Variants in STK24 observed in about 807,000 individuals in gnomAD.
STK24 encodes the protein serine/threonine-protein kinase 24.
STK24 carries 21 observed loss-of-function variants against 55.6 expected under a neutral mutation model. The observed-to-expected ratio is 0.38, with a 90% CI of 0.27 to 0.54. The LOEUF (loss-of-function observed/expected upper bound fraction) is 0.54, where lower values mean the gene tolerates loss of function less well. STK24 is among the 20% of genes least tolerant of loss of function. The pLI is 0.79. For synonymous variants in STK24, 200 were observed against 215.2 expected, an observed-to-expected ratio of 0.93 and a Z score of 0.62; for missense variants, 383 against 538.4, an observed-to-expected ratio of 0.71 and a Z score of 2.86.
At chr13:98,475,716 C>T (rs1164121714) in intron 3 of STK24, among the ~76,000 whole-genome samples, 3 of 152,186 alleles carry the variant, frequency 2.0e-5, no homozygotes, top group South Asian at 2.1e-4. Context: ...ACCCGGCCTG[C>T]GCCTGCAGCT....
intron 1 of STK24, among the ~76,000 whole-genome samples, chr13:98,566,729 C>G (rs975369566): frequency 7.9e-5 from 12 of 152,196 alleles, no homozygotes; most frequent in African/African-American, 2.7e-4. Context: ...CAGCAAGCAA[C>G]AGGGAAGCAG....
intron 1 of STK24, among the ~76,000 whole-genome samples, chr13:98,552,187 C>G (rs1195389791): frequency 6.6e-6 from 1 of 152,116 alleles, no homozygotes; most frequent in African/African-American, 2.4e-5. Flanking sequence ...ATAAATTAAA[C>G]TTTATAATAG....
chr13:98,495,442 T>A (rs1895214539), intron 2 of STK24, among the ~76,000 whole-genome samples: 1 of 152,254 alleles, frequency 6.6e-6, no homozygotes, highest in African/African-American at 2.4e-5. Flanking sequence ...ATTTGCAGAA[T>A]GTGCATATTG....
chr13:98,461,826 G>T lies in STK24; in HGVS notation c.1001C>A (p.Pro334His), dbSNP rs779880742. 3.7e-6 allele frequency: 6 copies of T among 1,614,008 alleles called. No individual in the cohort carries two copies. Among genetic ancestry groups the T allele is most frequent in the Non-Finnish European group, 4.2e-6 (5 of 1,180,000 alleles). ...DWIFTIREKD[P>H]KNLENGALQP... The stretch of plus-strand genomic sequence containing the variant: ...AAGAGCTCCATTCTCGAGATTCTTG[G>T]GATCTTTTTCTCGGATTGTGAAGAT... The change falls in exon 8 of 11, where the codon CCC becomes CAC. Residue 334 changes from proline (P) to histidine (H), a missense_variant. By Grantham distance (77) the Pro-to-His change is moderately conservative (BLOSUM62 -2). Coordinates refer to ENST00000539966, the MANE Select transcript of STK24 (RefSeq NM_001032296.4).
At chr13:98,489,357 A>G (rs1246943797) in intron 2 of STK24, among the ~76,000 whole-genome samples, 1 of 152,216 alleles carries the variant, frequency 6.6e-6, no homozygotes, top group Non-Finnish European at 1.5e-5. Flanking sequence ...GCCCCTGACC[A>G]TCTTCAAAGT....
chr13:98,561,445 T>C (rs1594671347), intron 1 of STK24, among the ~76,000 whole-genome samples: 2 of 151,842 alleles, frequency 1.3e-5, no homozygotes, highest in Admixed American at 1.3e-4. Context: ...TAGCCGGTCG[T>C]GAGGCACACA....
chr13:98,508,390 T>C (rs773841645), intron 2 of STK24, among the ~76,000 whole-genome samples: 20 of 152,054 alleles, frequency 1.3e-4, no homozygotes, highest in Non-Finnish European at 2.5e-4. Flanking sequence ...AGAAACATAG[T>C]AGGAAATTTC....
At chr13:98,496,484 C>G (rs1488170876) in intron 2 of STK24, among the ~76,000 whole-genome samples, 6 of 152,184 alleles carry the variant, frequency 3.9e-5, no homozygotes, top group Non-Finnish European at 5.9e-5. Context: ...GCTGCGCAAC[C>G]AGAAACCAAT....
intron 1 of STK24, among the ~76,000 whole-genome samples, chr13:98,526,608 T>C (rs74813330): frequency 0.028 from 4,221 of 152,308 alleles, 76 homozygotes; most frequent in South Asian, 0.082. Flanking sequence ...AAAGCAAATA[T>C]TCCATTACAT....
chr13:98,502,302 G>GA (rs1895501865), intron 2 of STK24, among the ~76,000 whole-genome samples: 1 of 152,136 alleles, frequency 6.6e-6, no homozygotes, highest in Non-Finnish European at 1.5e-5. Flanking sequence ...GTAAACATAG[G>GA]AATCAATGAG....
At chr13:98,463,588 A>G in intron 7 of STK24, 103 bp downstream of exon 7, 1 of 1,343,596 alleles carries the variant, frequency 7.4e-7, no homozygotes. Context: ...ATTGTCTAAA[A>G]AAAAAAAAAA....
intron 3 of STK24, among the ~76,000 whole-genome samples, chr13:98,478,365 T>A (rs918091912): frequency 3.9e-5 from 6 of 152,316 alleles, no homozygotes; most frequent in Non-Finnish European, 7.3e-5. Flanking sequence ...TTTCCCAGAC[T>A]CTGAGCAGCA....
chr13:98,462,516 A>T (rs1478280328), intron 7 of STK24, among the ~76,000 whole-genome samples: 1 of 151,654 alleles, frequency 6.6e-6, no homozygotes, highest in African/African-American at 2.4e-5. Context: ...TGGCCCCATT[A>T]AGCCTGCACC....
chr13:98,453,116 A>G lies in STK24; in HGVS notation c.*57T>C. The G allele has an allele frequency of 6.3e-7, 1 of 1,598,350 alleles. No homozygotes were observed. The highest frequency in any genetic ancestry group is 1.7e-5 in the Admixed American group (1 of 59,456). On this transcript the variant is annotated 3_prime_UTR_variant, in exon 11 of 11. Coordinates refer to ENST00000539966, the MANE Select transcript of STK24 (RefSeq NM_001032296.4). ...GAAGGCTCTCGTTGACTTTTAAAAAAGGAGGAGGATGAAGAAGGAAAAAAG... is the reference window on the plus strand; with the variant it reads ...GAAGGCTCTCGTTGACTTTTAAAAAGGGAGGAGGATGAAGAAGGAAAAAAG...
At position 98,482,283 on chromosome 13, in the gene STK24, T is replaced by C; in HGVS notation, c.312A>G (p.Gly104=). The C allele has an allele frequency of 6.4e-7, 1 of 1,572,586 alleles. No homozygotes were observed. Among genetic ancestry groups the C allele is most frequent in the South Asian group, 1.1e-5 (1 of 87,056 alleles). Residue 104 remains glycine, a synonymous_variant, in exon 3 of 11, where the codon GGA becomes GGG. Transcript: ENST00000539966. ...TACTTACTAGATCTAGTGCGGAGCC[T>C]CCACCAAGATATTCCATTATTATCC... ...KLWIIMEYLG[G]GSALDLLEPG...
At chr13:98,535,396 T>G (rs1484774636) in intron 1 of STK24, among the ~76,000 whole-genome samples, 1 of 60,090 alleles carries the variant, frequency 1.7e-5, no homozygotes, top group Non-Finnish European at 2.9e-5. Context: ...TATATGTGTG[T>G]ATACACACAC....
chr13:98,457,666 C>A lies in STK24; in HGVS notation c.1123-362G>T, dbSNP rs140617732. Among the ~76,000 whole-genome samples the A allele has an allele frequency of 2.6e-3, 396 of 152,216 alleles. 2 individuals carry two copies. The highest frequency in any genetic ancestry group is 2.9e-3 in the Non-Finnish European group (199 of 67,996). On this transcript the variant is annotated intron_variant, in intron 9 of 10. Coordinates refer to ENST00000539966, the MANE Select transcript of STK24 (RefSeq NM_001032296.4). ...TGTATTTTTAATAGAGACAGGATTT[C>A]ACCATGTTGGCCAGGCTGGTCTTGA...
Position 98,457,164 on chromosome 13 carries a change from T to C in STK24, c.1259+4A>G. On this transcript the variant is annotated splice_donor_region_variant and intron_variant, in intron 10 of 10. Coordinates refer to ENST00000539966, the MANE Select transcript of STK24 (RefSeq NM_001032296.4). ...CCCAGCCCAGAGGGGCCCTGGGTAG[T>C]TACCTCTGGAGCCGCTGCACGAGCT... The C allele has an allele frequency of 1.9e-6, 3 of 1,609,852 alleles. No individual in the cohort carries two copies. The highest frequency in any genetic ancestry group is 2.5e-6 in the Non-Finnish European group (3 of 1,178,988).
chr13:98,509,731 C>T (rs1895815650), intron 2 of STK24, among the ~76,000 whole-genome samples: 2 of 152,302 alleles, frequency 1.3e-5, no homozygotes, highest in Admixed American at 1.3e-4. Flanking sequence ...CTGAGCTCCC[C>T]ATGTTCCATC....
Sources: allele counts gnomAD v4.1 joint callset (sites outside exome capture counted in the v4.1 genomes callset), GRCh38; gene constraint gnomAD v4.1.1; transcripts MANE v1.5; gene names NCBI Gene and HGNC (gene_info 2026-07-23, HGNC 2026-07-21).